REDIC1: variants seen among roughly 807,000 people sequenced by gnomAD.
REDIC1 encodes HEI10 Interacting Protein 1.
chr12:39,821,040 T>C, the REDIC1 span, among the ~76,000 whole-genome samples: 1 of 152,048 alleles, frequency 6.6e-6, no homozygotes. Flanking sequence ...CATTTGGCAA[T>C]TCCTTTCATA....
the REDIC1 span, among the ~76,000 whole-genome samples, chr12:39,779,095 G>A: frequency 6.6e-6 from 1 of 152,168 alleles, no homozygotes; most frequent in Non-Finnish European, 1.5e-5. Flanking sequence ...CCAAGGGCTG[G>A]CATAAGTTGG....
the REDIC1 span, among the ~76,000 whole-genome samples, chr12:39,902,558 AAAATAAAATCAC>A: frequency 6.6e-6 from 1 of 152,030 alleles, no homozygotes; most frequent in Non-Finnish European, 1.5e-5. Flanking sequence ...AGGTGTACTA[AAAATAAAATCAC>A]AAATGAGAAG....
the REDIC1 span, among the ~76,000 whole-genome samples, chr12:39,889,529 CTTTTTTTT>C: frequency 8.3e-6 from 1 of 119,866 alleles, no homozygotes. Flanking sequence ...GGTAAACAAC[CTTTTTTTT>C]TTTTTTTTTT....
At chr12:39,778,638 T>G in the REDIC1 span, among the ~76,000 whole-genome samples, 1 of 152,228 alleles carries the variant, frequency 6.6e-6, no homozygotes, top group Admixed American at 6.5e-5. Flanking sequence ...AATTATTAAA[T>G]CAGTGGCAAC....
the REDIC1 span, among the ~76,000 whole-genome samples, chr12:39,663,540 T>C: frequency 6.6e-6 from 1 of 152,088 alleles, no homozygotes; most frequent in Admixed American, 6.6e-5. Context: ...ATGCAGTGGA[T>C]CCATATCTTT....
the REDIC1 span, among the ~76,000 whole-genome samples, chr12:39,796,077 C>T: frequency 6.6e-6 from 1 of 152,204 alleles, no homozygotes; most frequent in East Asian, 1.9e-4. Flanking sequence ...TACTAATCTA[C>T]TCTGTGTATG....
chr12:39,761,833 A>G, the REDIC1 span, among the ~76,000 whole-genome samples: 1 of 152,120 alleles, frequency 6.6e-6, no homozygotes, highest in Non-Finnish European at 1.5e-5. Flanking sequence ...CTGTAACAGC[A>G]AACCCAGTTT....
At chr12:39,711,785 A>T in the REDIC1 span, among the ~76,000 whole-genome samples, 19 of 119,240 alleles carry the variant, frequency 1.6e-4, 2 homozygotes, top group South Asian at 5.2e-4. Flanking sequence ...ATGCATGTGT[A>T]TGTGTGTGTA....
chr12:39,813,470 A>C, the REDIC1 span, among the ~76,000 whole-genome samples: 1 of 152,204 alleles, frequency 6.6e-6, no homozygotes, highest in African/African-American at 2.4e-5. Context: ...AGCAAATTTC[A>C]GATACCATAT....
chr12:39,727,595 G>A, the REDIC1 span, among the ~76,000 whole-genome samples: 1 of 151,948 alleles, frequency 6.6e-6, no homozygotes, highest in African/African-American at 2.4e-5. Flanking sequence ...GGGTTGTCTT[G>A]GCTATACGGG....
At chr12:39,749,639 C>T in the REDIC1 span, among the ~76,000 whole-genome samples, 844 of 152,252 alleles carry the variant, frequency 5.5e-3, 8 homozygotes, top group African/African-American at 0.019. Context: ...GACCAATATC[C>T]CTGATGAACA....
the REDIC1 span, among the ~76,000 whole-genome samples, chr12:39,707,531 C>A: frequency 6.6e-6 from 1 of 151,832 alleles, no homozygotes; most frequent in Non-Finnish European, 1.5e-5. Flanking sequence ...GAAAGGAAAT[C>A]AGTATATTAA....
chr12:39,667,070 G>T, the REDIC1 span, among the ~76,000 whole-genome samples: 1 of 152,022 alleles, frequency 6.6e-6, no homozygotes. Context: ...ATTTCCTTCA[G>T]TTCTGCTCTG....
chr12:39,785,948 C>A, the REDIC1 span, among the ~76,000 whole-genome samples: 1 of 152,184 alleles, frequency 6.6e-6, no homozygotes, highest in Admixed American at 6.5e-5. Flanking sequence ...TAGGAAGTAA[C>A]TAGCTTGCTT....
chr12:39,659,135 G>A, the REDIC1 span, among the ~76,000 whole-genome samples: 1 of 151,890 alleles, frequency 6.6e-6, no homozygotes, highest in African/African-American at 2.4e-5. Context: ...TTTGAAAGAT[G>A]TCTTTTGACT....
the REDIC1 span, among the ~76,000 whole-genome samples, chr12:39,776,438 C>T: frequency 6.6e-6 from 1 of 152,294 alleles, no homozygotes; most frequent in African/African-American, 2.4e-5. Context: ...CCCTAGGAAG[C>T]GGCTTGGCAA....
At chr12:39,679,222 T>C in the REDIC1 span, among the ~76,000 whole-genome samples, 2 of 152,190 alleles carry the variant, frequency 1.3e-5, no homozygotes, top group Non-Finnish European at 2.9e-5. Flanking sequence ...AAACTGTTGC[T>C]GTTCACCAAT....
the REDIC1 span, among the ~76,000 whole-genome samples, chr12:39,679,038 C>G: frequency 6.6e-6 from 1 of 152,044 alleles, no homozygotes; most frequent in Non-Finnish European, 1.5e-5. Context: ...AGAACTGGAA[C>G]AAGACAAGGA....
At chr12:39,838,337 G>C in the REDIC1 span, among the ~76,000 whole-genome samples, 36 of 121,970 alleles carry the variant, frequency 3.0e-4, no homozygotes, top group South Asian at 7.1e-3. Flanking sequence ...TCTGGGGACT[G>C]TGGTGGGGTG....
Sources: gnomAD v4.1 joint callset for allele counts (sites outside exome capture counted in the v4.1 genomes callset) on GRCh38, gnomAD v4.1.1 for gene constraint, MANE v1.5 for transcripts, NCBI Gene and HGNC (gene_info 2026-07-23, HGNC 2026-07-21) for gene names.